Variants in DPP6 observed in about 807,000 individuals in gnomAD.
DPP6 encodes A-type potassium channel modulatory protein DPP6.
DPP6 carries 69 observed loss-of-function variants against 122.6 expected under a neutral mutation model. The observed-to-expected ratio is 0.56, with a 90% CI of 0.46 to 0.69. The LOEUF is 0.69. Among genes scored for constraint, DPP6 ranks in the 30% least tolerant of loss-of-function variants. The pLI is 0.00. For missense variants in DPP6, 928 were observed against 1,116.9 expected (o/e 0.83, Z 2.41); for synonymous variants, 418 against 433.1 (o/e 0.97, Z 0.43).
chr7:154,669,761 TAAA>T (rs1291073234), intron 7 of DPP6, among the ~76,000 whole-genome samples: 1 of 152,172 alleles, frequency 6.6e-6, no homozygotes, highest in East Asian at 1.9e-4. Flanking sequence ...TCAACTTCAT[TAAA>T]AGAACTGCAG....
chr7:154,600,743 A>G lies in DPP6; in HGVS notation c.627+33827A>G, dbSNP rs1366761713. Among the ~76,000 whole-genome samples, 2 of 121,778 alleles carry G rather than the reference A, an allele frequency of 1.6e-5. 1 individual carries two copies. 79.9% of individuals were successfully genotyped at this position (121,778 alleles called of 152,430 possible). A position where few individuals can be genotyped will look rare whatever the true frequency, so the allele number is the denominator to read the frequency against. ...GTAATGGCATATTTGGTTTGTTGTC[A>G]TAGTTTAATCATGAACTGTTTCAAG... is the stretch of plus-strand genomic sequence containing the variant. On this transcript the variant is annotated intron_variant, in intron 5 of 25. Coordinates refer to ENST00000377770, the MANE Select transcript of DPP6 (RefSeq NM_130797.4).
At position 154,330,904 on chromosome 7, in the gene DPP6, G is replaced by A. The variant is rs558062040; in HGVS notation, c.244-115310G>A. On this transcript the variant is annotated intron_variant, in intron 1 of 25. Coordinates refer to ENST00000377770, the MANE Select transcript of DPP6 (RefSeq NM_130797.4). ...AGCTGTATGACTCCTTCTCAGATCT[G>A]GGCTTAGTCCTTACAAGCTTCTGTT... Among the ~76,000 whole-genome samples the A allele has an allele frequency of 1.8e-4, 27 of 152,294 alleles. No individual in the cohort carries two copies. In the South Asian group the frequency reaches 5.4e-3, roughly 30 times the overall value.
At chr7:154,564,369 C>T (rs902187161) in intron 4 of DPP6, among the ~76,000 whole-genome samples, 1 of 151,998 alleles carries the variant, frequency 6.6e-6, no homozygotes, top group Non-Finnish European at 1.5e-5. Context: ...CAAATGTATC[C>T]ATAAGCAGGG....
At chr7:154,220,520 A>T (rs973218497) in intron 1 of DPP6, among the ~76,000 whole-genome samples, 3 of 152,178 alleles carry the variant, frequency 2.0e-5, no homozygotes, top group Non-Finnish European at 2.9e-5. Flanking sequence ...CCTCCCTGTG[A>T]CATGGATGTA....
At chr7:154,465,807 CA>C (rs1357378906) in intron 2 of DPP6, among the ~76,000 whole-genome samples, 2 of 152,144 alleles carry the variant, frequency 1.3e-5, no homozygotes, top group Non-Finnish European at 2.9e-5. Flanking sequence ...GTTGATTCCT[CA>C]AGGATCTAGA....
chr7:154,736,901 T>G lies in DPP6; in HGVS notation c.883+9014T>G, dbSNP rs1173376144. On this transcript the variant is annotated intron_variant, in intron 8 of 25. Coordinates refer to ENST00000377770, the MANE Select transcript of DPP6 (RefSeq NM_130797.4). ...TGATCACTCTTATTAGAATTTCCAT[T>G]TCCACAAAATTCCCTCAACAGAAAA... 4.6e-5 allele frequency among the ~76,000 whole-genome samples: 7 copies of G among 152,354 alleles called. No homozygotes were observed. The East Asian group carries it at 1.3e-3, about 29-fold the overall frequency.
chr7:154,053,134 A>T, intron 1 of DPP6, 71 bp downstream of exon 1: 2 of 824,466 alleles, frequency 2.4e-6, no homozygotes, highest in Non-Finnish European at 2.9e-6. Context: ...ACGCGTCGGC[A>T]GGGGAAATTT....
At chr7:154,411,538 G>A (rs1245065790) in intron 1 of DPP6, among the ~76,000 whole-genome samples, 1 of 152,132 alleles carries the variant, frequency 6.6e-6, no homozygotes, top group East Asian at 1.9e-4. Flanking sequence ...ACAGTGCTTG[G>A]CCTCAATTTT....
chr7:154,752,180 T>C (rs1843429387), intron 8 of DPP6, among the ~76,000 whole-genome samples: 1 of 152,186 alleles, frequency 6.6e-6, no homozygotes, highest in Non-Finnish European at 1.5e-5. Flanking sequence ...ACAAAATGTA[T>C]ATTATTCTAT....
chr7:154,610,347 G>T (rs562518474), intron 5 of DPP6, among the ~76,000 whole-genome samples: 1 of 152,096 alleles, frequency 6.6e-6, no homozygotes, highest in African/African-American at 2.4e-5. Flanking sequence ...AAAAAATATC[G>T]ATGGGGAGGC....
chr7:154,125,166 GCA>G (rs1807785673), intron 1 of DPP6, among the ~76,000 whole-genome samples: 1 of 152,206 alleles, frequency 6.6e-6, no homozygotes, highest in Non-Finnish European at 1.5e-5. Context: ...CCAGATCAGG[GCA>G]CACGAAAGGG....
At chr7:153,913,820 G>T (rs577207363) in intron 1 of DPP6, among the ~76,000 whole-genome samples, 25 of 152,288 alleles carry the variant, frequency 1.6e-4, no homozygotes, top group Non-Finnish European at 2.9e-4. Context: ...TCTGAGTAAG[G>T]GGGGGAAGAG....
chr7:154,380,969 A>G (rs1319670403), intron 1 of DPP6, among the ~76,000 whole-genome samples: 5 of 152,208 alleles, frequency 3.3e-5, no homozygotes, highest in Non-Finnish European at 5.9e-5. Context: ...CAGAAATGAC[A>G]CTGCTGTCCA....
chr7:153,906,192 T>G (rs929013536), intron 1 of DPP6, among the ~76,000 whole-genome samples: 32 of 152,170 alleles, frequency 2.1e-4, no homozygotes, highest in African/African-American at 6.8e-4. Context: ...TAAGCATTCT[T>G]TATTTTAATT....
the DPP6 span, among the ~76,000 whole-genome samples, chr7:153,864,767 T>G: frequency 6.6e-6 from 1 of 151,976 alleles, no homozygotes; most frequent in Non-Finnish European, 1.5e-5. Context: ...GTATGTGTTA[T>G]GTAGGCTTCA....
chr7:153,838,016 T>C, the DPP6 span, among the ~76,000 whole-genome samples: 4 of 151,868 alleles, frequency 2.6e-5, no homozygotes, highest in Admixed American at 6.6e-5. Flanking sequence ...CAGGCAGGTA[T>C]TATTGAAGCT....
At chr7:154,746,303 T>C (rs1461390619) in intron 8 of DPP6, among the ~76,000 whole-genome samples, 1 of 152,182 alleles carries the variant, frequency 6.6e-6, no homozygotes, top group African/African-American at 2.4e-5. Context: ...TCTGATCCTT[T>C]GACCAAGATA....
intron 1 of DPP6, among the ~76,000 whole-genome samples, chr7:154,392,496 G>A (rs1814709585): frequency 6.6e-6 from 1 of 152,140 alleles, no homozygotes; most frequent in African/African-American, 2.4e-5. Flanking sequence ...CCAGCTCTGA[G>A]ACCGGTGTTC....
At chr7:154,310,487 C>T (rs1806771811) in intron 1 of DPP6, among the ~76,000 whole-genome samples, 1 of 152,182 alleles carries the variant, frequency 6.6e-6, no homozygotes, top group Non-Finnish European at 1.5e-5. Context: ...TGGTGCAACC[C>T]AAACTCAAAA....
Sources: gnomAD v4.1 joint callset for allele counts (sites outside exome capture counted in the v4.1 genomes callset) on GRCh38, gnomAD v4.1.1 for gene constraint, MANE v1.5 for transcripts, NCBI Gene and HGNC (gene_info 2026-07-23, HGNC 2026-07-21) for gene names.